Variants in ZNF827 observed in about 807,000 individuals in gnomAD.
ZNF827 encodes the protein zinc finger protein 827.
Under a neutral mutation model 102.4 loss-of-function variants are expected in ZNF827, and 13 were observed. That is an observed-to-expected ratio of 0.13 (90% CI 0.08 to 0.20). The LOEUF (loss-of-function observed/expected upper bound fraction) is 0.20, where lower values mean the gene tolerates loss of function less well. Among genes scored for constraint, ZNF827 ranks in the 10% least tolerant of loss-of-function variants. The pLI, the probability that ZNF827 is intolerant of heterozygous loss-of-function variation, is 1.00. For synonymous variants in ZNF827, 523 were observed against 536.2 expected, an observed-to-expected ratio of 0.98 and a Z score of 0.34; for missense variants, 1,103 against 1,344.4, an observed-to-expected ratio of 0.82 and a Z score of 2.81.
At chr4:145,809,192 T>G (rs928353374) in intron 8 of ZNF827, among the ~76,000 whole-genome samples, 8 of 152,242 alleles carry the variant, frequency 5.3e-5, no homozygotes, top group Non-Finnish European at 1.5e-5. Flanking sequence ...AGAGAGTTGG[T>G]GTCAAGCATT....
At chr4:145,834,537 G>C (rs985073828) in intron 7 of ZNF827, among the ~76,000 whole-genome samples, 3 of 151,928 alleles carry the variant, frequency 2.0e-5, no homozygotes, top group Non-Finnish European at 4.4e-5. Context: ...GTTTCGTTCC[G>C]TGACTAGCCC....
chr4:145,896,427 T>C (rs770427873), intron 2 of ZNF827, among the ~76,000 whole-genome samples: 1 of 151,916 alleles, frequency 6.6e-6, no homozygotes, highest in African/African-American at 2.4e-5. Flanking sequence ...ATGGAAAAGA[T>C]AGAAAAGAGT....
At chr4:145,938,239 T>C in intron 1 of ZNF827, 126 bp downstream of exon 1, 5 of 1,161,424 alleles carry the variant, frequency 4.3e-6, no homozygotes, top group Non-Finnish European at 5.2e-6. Context: ...CCGGGCTGTG[T>C]CTTTGTCAGT....
chr4:145,917,730 AAG>A (rs1418899028), intron 1 of ZNF827, among the ~76,000 whole-genome samples: 2 of 149,850 alleles, frequency 1.3e-5, no homozygotes, highest in Non-Finnish European at 3.0e-5. Flanking sequence ...AAAAAAAGAA[AAG>A]AAAAAACAAC....
chr4:145,895,700 T>A (rs1302248349), intron 2 of ZNF827, among the ~76,000 whole-genome samples: 1 of 152,230 alleles, frequency 6.6e-6, no homozygotes, highest in Non-Finnish European at 1.5e-5. Context: ...ATTTCATATT[T>A]TAGAGACGTT....
intron 1 of ZNF827, among the ~76,000 whole-genome samples, chr4:145,910,140 A>ACT (rs1003377782): frequency 6.6e-6 from 1 of 152,072 alleles, no homozygotes; most frequent in Non-Finnish European, 1.5e-5. Context: ...TAGTCCACAC[A>ACT]CGGGGGGAGG....
chr4:145,769,077 C>G (rs1031792833), intron 11 of ZNF827, among the ~76,000 whole-genome samples: 4 of 150,682 alleles, frequency 2.7e-5, no homozygotes, highest in Admixed American at 2.0e-4. Flanking sequence ...AATATGTACC[C>G]ACTTACAATG....
At chr4:145,905,642 C>T (rs919109882) in intron 1 of ZNF827, among the ~76,000 whole-genome samples, 1 of 152,148 alleles carries the variant, frequency 6.6e-6, no homozygotes, top group Admixed American at 6.5e-5. Flanking sequence ...TGCTTTTTAC[C>T]AAACACCAAG....
chr4:145,813,680 G>A (rs930639197), intron 8 of ZNF827, among the ~76,000 whole-genome samples: 2 of 152,234 alleles, frequency 1.3e-5, no homozygotes, highest in East Asian at 1.9e-4. Flanking sequence ...GAGTGCATGT[G>A]CATCAGTCAA....
chr4:145,866,623 G>A (rs370261627), intron 5 of ZNF827, among the ~76,000 whole-genome samples: 3 of 152,180 alleles, frequency 2.0e-5, no homozygotes, highest in East Asian at 1.9e-4. Flanking sequence ...AAATGTAAAC[G>A]TTTAATTTTT....
chr4:145,796,601 A>C (rs1740402114), intron 8 of ZNF827, among the ~76,000 whole-genome samples: 1 of 151,162 alleles, frequency 6.6e-6, no homozygotes, highest in South Asian at 2.1e-4. Flanking sequence ...AGAACCTTAC[A>C]TAAATTATAT....
intron 8 of ZNF827, among the ~76,000 whole-genome samples, chr4:145,786,519 G>T (rs908750070): frequency 6.6e-6 from 1 of 152,172 alleles, no homozygotes; most frequent in African/African-American, 2.4e-5. Flanking sequence ...TCATGATCAA[G>T]GCTGGAATGT....
At chr4:145,776,977 T>C (rs1249446373) in intron 9 of ZNF827, among the ~76,000 whole-genome samples, 1 of 152,202 alleles carries the variant, frequency 6.6e-6, no homozygotes, top group East Asian at 1.9e-4. Context: ...ATCACACAGA[T>C]AAAGGTAATA....
chr4:145,894,893 T>G (rs1333598789), intron 2 of ZNF827, among the ~76,000 whole-genome samples: 3 of 152,192 alleles, frequency 2.0e-5, no homozygotes, highest in Admixed American at 6.5e-5. Flanking sequence ...CACCCTGATA[T>G]TTTGATCATG....
chr4:145,893,259 A>G (rs1579497467), intron 2 of ZNF827, among the ~76,000 whole-genome samples: 1 of 152,248 alleles, frequency 6.6e-6, no homozygotes, highest in South Asian at 2.1e-4. Context: ...CACTATTGCT[A>G]AACTTTTGGT....
chr4:145,849,022 T>G (rs967419657), intron 6 of ZNF827, among the ~76,000 whole-genome samples: 5 of 152,202 alleles, frequency 3.3e-5, no homozygotes, highest in Non-Finnish European at 7.3e-5. Context: ...ATCAACTGCC[T>G]AAGCAAAATT....
At chr4:145,828,375 A>C (rs1743884184) in intron 7 of ZNF827, among the ~76,000 whole-genome samples, 1 of 152,184 alleles carries the variant, frequency 6.6e-6, no homozygotes, top group African/African-American at 2.4e-5. Flanking sequence ...ATTTTTGGTA[A>C]AAAGTTGATA....
intron 5 of ZNF827, among the ~76,000 whole-genome samples, chr4:145,855,860 A>G (rs1326782656): frequency 6.6e-6 from 1 of 152,172 alleles, no homozygotes; most frequent in Non-Finnish European, 1.5e-5. Context: ...GATACCTTGT[A>G]TCTCCATCCT....
chr4:145,853,790 A>G (rs1746776582), intron 5 of ZNF827, among the ~76,000 whole-genome samples: 2 of 152,022 alleles, frequency 1.3e-5, no homozygotes. Context: ...ACATGGCAAA[A>G]CCCTATATCA....
Sources: gnomAD v4.1 joint callset for allele counts (sites outside exome capture counted in the v4.1 genomes callset) on GRCh38, gnomAD v4.1.1 for gene constraint, MANE v1.5 for transcripts, NCBI Gene and HGNC (gene_info 2026-07-23, HGNC 2026-07-21) for gene names.